Variants in RALGAPA1 observed in about 807,000 individuals in gnomAD.
RALGAPA1 encodes Ral GTPase activating protein catalytic subunit alpha 1, also known as ral GTPase-activating protein subunit alpha-1.
Under a neutral mutation model 269.6 loss-of-function variants are expected in RALGAPA1, and 52 were observed. The observed-to-expected ratio is 0.19, with a 90% CI of 0.15 to 0.24. RALGAPA1 has a LOEUF of 0.24. RALGAPA1 is among the 10% of genes least tolerant of loss of function. The pLI is 1.00. For missense variants in RALGAPA1, 1,917 were observed against 3,013.9 expected, an observed-to-expected ratio of 0.64 and a Z score of 8.52; for synonymous variants, 817 against 1,008.3, an observed-to-expected ratio of 0.81 and a Z score of 3.60.
At chr14:35,665,439 TA>T (rs2063852401) in intron 26 of RALGAPA1, among the ~76,000 whole-genome samples, 1 of 152,242 alleles carries the variant, frequency 6.6e-6, no homozygotes, top group South Asian at 2.1e-4. Flanking sequence ...TTTTATTTAC[TA>T]AAACATCTGC....
At chr14:35,627,063 A>AG in intron 34 of RALGAPA1, 27 bp downstream of exon 34, 1 of 1,445,020 alleles carries the variant, frequency 6.9e-7, no homozygotes. Context: ...AAAAAAAAAA[A>AG]AGAAAAAATT....
intron 41 of RALGAPA1, among the ~76,000 whole-genome samples, chr14:35,547,916 C>T (rs373051796): frequency 1.6e-4 from 24 of 152,156 alleles, no homozygotes; most frequent in Middle Eastern, 3.4e-3. Flanking sequence ...ATTACAGTAA[C>T]TTTTTCCAAA....
intron 12 of RALGAPA1, among the ~76,000 whole-genome samples, chr14:35,734,659 C>T (rs1171864074): frequency 3.9e-5 from 6 of 152,030 alleles, no homozygotes; most frequent in Admixed American, 3.9e-4. Context: ...GATTTCATGA[C>T]CAAGAACCCA....
At chr14:35,610,408 A>C (rs2139291072) in intron 35 of RALGAPA1, among the ~76,000 whole-genome samples, 1 of 151,788 alleles carries the variant, frequency 6.6e-6, no homozygotes, top group African/African-American at 2.4e-5. Flanking sequence ...TCAGTCTCCC[A>C]AGTGGCTGGG....
At chr14:35,616,938 C>A (rs1229834280) in intron 35 of RALGAPA1, among the ~76,000 whole-genome samples, 3 of 152,042 alleles carry the variant, frequency 2.0e-5, no homozygotes, top group Non-Finnish European at 4.4e-5. Flanking sequence ...GGAGAACAAT[C>A]AGAATTGAGA....
At position 35,728,346 on chromosome 14, in the gene RALGAPA1, AT is replaced by A; in HGVS notation, c.1736+15del. 1 of 1,544,474 alleles carries A rather than the reference AT, an allele frequency of 6.5e-7. No homozygotes were observed. The stretch of plus-strand genomic sequence containing the variant: ...CAATAAAAACACATAGACATAAAGG[AT>A]AAAAATTTTTTTACCAAGTCTTTTT... On this transcript the variant is annotated intron_variant, in intron 13 of 41. Coordinates refer to ENST00000680220, the MANE Select transcript of RALGAPA1 (RefSeq NM_001346249.2).
At chr14:35,723,507 A>G in intron 14 of RALGAPA1, 2 of 326,376 alleles carry the variant, frequency 6.1e-6, no homozygotes, top group Middle Eastern at 8.6e-4. Flanking sequence ...CCCTAAATTT[A>G]TAACTGTCTC....
At chr14:35,618,650 C>G (rs1481498259) in intron 35 of RALGAPA1, among the ~76,000 whole-genome samples, 1 of 151,982 alleles carries the variant, frequency 6.6e-6, no homozygotes, top group Non-Finnish European at 1.5e-5. Context: ...AGCATAACTA[C>G]TAGAAAGGAG....
intron 41 of RALGAPA1, 27 bp downstream of exon 41, chr14:35,548,481 G>T: frequency 6.6e-7 from 1 of 1,518,802 alleles, no homozygotes; most frequent in Non-Finnish European, 8.9e-7. Context: ...AAGAACAGAG[G>T]GTGTTTTGGT....
At chr14:35,790,457 G>A (rs2076079192) in intron 1 of RALGAPA1, among the ~76,000 whole-genome samples, 2 of 151,920 alleles carry the variant, frequency 1.3e-5, no homozygotes, top group Non-Finnish European at 2.9e-5. Flanking sequence ...AGAGGCCAAG[G>A]CGGGCGGATC....
intron 20 of RALGAPA1, 139 bp from the exon 21 acceptor site, chr14:35,684,124 A>C: frequency 1.6e-6 from 1 of 625,706 alleles, no homozygotes; most frequent in South Asian, 2.6e-5. Flanking sequence ...ACAAGTGTAA[A>C]TAATCTTAAT....
Position 35,627,770 on chromosome 14 carries a change from C to G in RALGAPA1, c.6177G>C (p.Glu2059Asp). The change falls in exon 34 of 42, where the codon GAG becomes GAC. Residue 2059 changes from glutamate (E) to aspartate (D), a missense_variant. Glu to Asp is a conservative substitution (Grantham distance 45, BLOSUM62 2). Around this residue, in one of 11 missense-constraint regions of RALGAPA1, gnomAD observed 346 missense variants for 566.1 expected, o/e 0.61. Transcript: ENST00000680220. ...ACACAAAGAACTGGATATTTGGACTCTCAAAGAGTTCAGGAGAAAGTTCAG... is the reference window on the plus strand; with the variant it reads ...ACACAAAGAACTGGATATTTGGACTGTCAAAGAGTTCAGGAGAAAGTTCAG... Reference protein sequence around the residue: ...ESTELSPELFESPNIQFFVLN... With the variant: ...ESTELSPELFDSPNIQFFVLN... 1 of 1,612,238 alleles carries G rather than the reference C, an allele frequency of 6.2e-7. No homozygotes were observed. Among genetic ancestry groups the G allele is most frequent in the Non-Finnish European group, 8.5e-7 (1 of 1,178,968 alleles).
chr14:35,581,766 C>A (rs189989750), intron 37 of RALGAPA1, among the ~76,000 whole-genome samples: 1 of 151,972 alleles, frequency 6.6e-6, no homozygotes, highest in Non-Finnish European at 1.5e-5. Context: ...AAATTGCAAC[C>A]CTTAAGCATT....
At chr14:35,634,794 A>AAAAT in intron 32 of RALGAPA1, 37 bp from the exon 33 acceptor site, 2 of 1,493,752 alleles carry the variant, frequency 1.3e-6, no homozygotes, top group Non-Finnish European at 1.8e-6. Context: ...TTTTACTTAA[A>AAAAT]AAATAAATAA....
chr14:35,595,237 A>G (rs1481813426), intron 37 of RALGAPA1, among the ~76,000 whole-genome samples: 2 of 152,012 alleles, frequency 1.3e-5, no homozygotes, highest in African/African-American at 4.8e-5. Flanking sequence ...TTTAACGCAC[A>G]ATAAAAATTG....
At chr14:35,804,249 G>A (rs1249206487) in intron 1 of RALGAPA1, among the ~76,000 whole-genome samples, 6 of 143,966 alleles carry the variant, frequency 4.2e-5, no homozygotes, top group East Asian at 2.2e-4. Flanking sequence ...GCGACAGAGC[G>A]AGACTCCATC....
intron 21 of RALGAPA1, among the ~76,000 whole-genome samples, chr14:35,683,086 A>G (rs1176119119): frequency 1.3e-5 from 2 of 152,194 alleles, no homozygotes; most frequent in East Asian, 3.8e-4. Flanking sequence ...GCTGGAGTGG[A>G]TAACCACTCA....
intron 1 of RALGAPA1, among the ~76,000 whole-genome samples, chr14:35,787,271 A>G (rs762673038): frequency 1.3e-5 from 2 of 152,272 alleles, no homozygotes; most frequent in Non-Finnish European, 2.9e-5. Context: ...AGAACAAGAT[A>G]TAAGCAAGAA....
chr14:35,654,398 T>A lies in RALGAPA1; in HGVS notation c.5576A>T (p.Tyr1859Phe). 6.2e-7 allele frequency: 1 copy of A among 1,602,128 alleles called. No individual in the cohort carries two copies. The highest frequency in any genetic ancestry group is 8.5e-7 in the Non-Finnish European group (1 of 1,176,768). The change falls in exon 30 of 42, where the codon TAC becomes TTC. Residue 1859 changes from tyrosine (Y) to phenylalanine (F), a missense_variant. Tyr to Phe is a conservative substitution (Grantham distance 22). Transcript: ENST00000680220. Reference protein sequence around the residue: ...LVHYVPRLQIYQPDSPLKIIQ... With the variant: ...LVHYVPRLQIFQPDSPLKIIQ... ...AATTTTCAAGGGAGAATCAGGCTGG[T>A]AAATCTGAAGTCTAGGTACATAATG...
Sources: allele counts gnomAD v4.1 joint callset (sites outside exome capture counted in the v4.1 genomes callset), GRCh38; gene constraint gnomAD v4.1.1; regional missense constraint gnomAD v4.1.1; transcripts MANE v1.5; gene names NCBI Gene and HGNC (gene_info 2026-07-23, HGNC 2026-07-21).